CD151: variants seen among roughly 807,000 people sequenced by gnomAD.
CD151 encodes the protein CD151 antigen.
In CD151, 20 loss-of-function variants were observed where a neutral mutation model predicts 34.2. The observed-to-expected ratio is 0.58, with a 90% CI of 0.41 to 0.85. The LOEUF (loss-of-function observed/expected upper bound fraction) is 0.85, where lower values mean the gene tolerates loss of function less well. CD151 is among the 40% of genes least tolerant of loss of function. The probability of loss-of-function intolerance (pLI) is 0.00; values close to 1 mark genes in which losing one functional copy is unlikely to be tolerated. For missense variants in CD151, 306 were observed against 324.5 expected, an observed-to-expected ratio of 0.94 and a Z score of 0.44; for synonymous variants, 157 against 131.7, an observed-to-expected ratio of 1.19 and a Z score of -1.32.
rs569648347 is a variant in CD151, at chr11:838,707, T to C, written c.*515T>C. 5.4e-4 allele frequency: 107 copies of C among 198,338 alleles called. 1 individual carries two copies. In the South Asian group the frequency reaches 9.4e-3, roughly 17 times the overall value. 12.3% of individuals were successfully genotyped at this position (198,338 alleles called of 1,614,324 possible). A position where few individuals can be genotyped will look rare whatever the true frequency, so the allele number is the denominator to read the frequency against. ...ACCACCCGAAATGCCACGTGGTCAC[T>C]GTGCACTGCCCTGTTCATGTGCCTC... On this transcript the variant is annotated 3_prime_UTR_variant, in exon 9 of 9. Coordinates refer to ENST00000397420, the MANE Select transcript of CD151 (RefSeq NM_004357.5).
intron 1 of CD151, among the ~76,000 whole-genome samples, chr11:833,826 C>CCCAT (rs1846648722): frequency 2.4e-5 from 1 of 41,548 alleles, no homozygotes; most frequent in Non-Finnish European, 5.8e-5. Flanking sequence ...ACCCCGCCCC[C>CCCAT]CGGTGGCAGA....
intron 5 of CD151, 153 bp from the exon 6 acceptor site, chr11:837,097 C>G: frequency 1.5e-6 from 1 of 689,524 alleles, no homozygotes; most frequent in Non-Finnish European, 2.6e-6. Context: ...CCTGGCACCA[C>G]CCAACCTCCC....
In CD151 at chr11:836,417, A is replaced by G. The variant is rs150909098; in HGVS notation, c.251A>G (p.Lys84Arg). 2.5e-6 allele frequency: 4 copies of G among 1,610,446 alleles called. No individual in the cohort carries two copies. The African/African-American group carries it at 5.3e-5, about 22-fold the overall frequency. The change falls in exon 4 of 9, where the codon AAG becomes AGG. Residue 84 changes from lysine (K) to arginine (R), a missense_variant. Transcript: ENST00000397420. ...GTCTTGGGCTGCTGCGCCACCTTCA[A>G]GGAGCGTCGGAACCTGCTGCGCCTG... Reference protein sequence around the residue: ...TGVLGCCATFKERRNLLRLYF... With the variant: ...TGVLGCCATFRERRNLLRLYF...
In CD151 at chr11:837,496, C is replaced by A; in HGVS notation, c.493C>A (p.Arg165=). ...CCGSNNSQDW[R]DSEWIRSQEA... ...TGGCAGCAACAACTCACAGGACTGGCGAGACAGTGAGTGGATCCGCTCACA... is the reference window on the plus strand; with the variant it reads ...TGGCAGCAACAACTCACAGGACTGGAGAGACAGTGAGTGGATCCGCTCACA... The change falls in exon 7 of 9, where the codon CGA becomes AGA. Residue 165 remains arginine, a synonymous_variant. Transcript: ENST00000397420. The A allele has an allele frequency of 6.2e-7, 1 of 1,612,918 alleles. No individual in the cohort carries two copies.
chr11:836,730 G>A, intron 4 of CD151, 39 bp from the exon 5 acceptor site: 2 of 1,590,572 alleles, frequency 1.3e-6, no homozygotes, highest in Non-Finnish European at 1.7e-6. Flanking sequence ...CTAGGCACTA[G>A]GCCTCAGAAC....
chr11:833,081 C>T (rs1490207477), intron 1 of CD151, 55 bp downstream of exon 1: 1 of 149,048 alleles, frequency 6.7e-6, no homozygotes, highest in African/African-American at 2.5e-5. Context: ...GCGAGGGGGG[C>T]GAGGGGCGCG....
rs1846854344 is a variant in CD151 at position 838,168 on chromosome 11, G to C, written c.738G>C (p.Arg246Ser). Residue 246 changes from arginine to serine, a missense_variant, in exon 9 of 9, where the codon AGG becomes AGC. Transcript: ENST00000397420. ...TGATCTTCACGTGCTGCCTGTACAGGAGTCTCAAGCTGGAGCACTACTGAC... is the reference window on the plus strand; with the variant it reads ...TGATCTTCACGTGCTGCCTGTACAGCAGTCTCAAGCTGGAGCACTACTGAC... ...FGMIFTCCLY[R>S]SLKLEHY 6.2e-7 allele frequency: 1 copy of C among 1,613,236 alleles called. No homozygotes were observed. The highest frequency in any genetic ancestry group is 1.3e-5 in the African/African-American group (1 of 75,024).
chr11:837,979 A>C lies in CD151; in HGVS notation c.653A>C (p.Glu218Ala). 1 of 1,613,304 alleles carries C rather than the reference A, an allele frequency of 6.2e-7. No homozygotes were observed. The highest frequency in any genetic ancestry group is 8.5e-7 in the Non-Finnish European group (1 of 1,179,870). The change falls in exon 8 of 9, where the codon GAG becomes GCG. Residue 218 changes from glutamate to alanine, a missense_variant. Transcript: ENST00000397420. ...CITKLETFIQ[E>A]HLRVIGAVGI... ...ACCAAGTTGGAGACCTTCATCCAGGAGCACCTGAGGGTCATTGGGGCTGTG... is the reference window on the plus strand; with the variant it reads ...ACCAAGTTGGAGACCTTCATCCAGGCGCACCTGAGGGTCATTGGGGCTGTG...
rs1055598930 is a variant in CD151, at chr11:832,985, T to TGCCGCCGCCCCCGCA, written c.-109_-108insCGCCGCCCCCGCAGC. On this transcript the variant is annotated 5_prime_UTR_variant, in exon 1 of 9. Coordinates refer to ENST00000397420, the MANE Select transcript of CD151 (RefSeq NM_004357.5). ...CGCTGGGAGCCGCCGCCCCCGCAGC[T>TGCCGCCGCCCCCGCA]GCTGCCGCCGCCGCCAGGGCCCGGA... The TGCCGCCGCCCCCGCA allele has an allele frequency of 2.1e-4, 3 of 14,508 alleles. No homozygotes were observed. Among genetic ancestry groups the TGCCGCCGCCCCCGCA allele is most frequent in the Non-Finnish European group, 4.5e-4 (2 of 4,476 alleles). The allele number at this position is 14,508 out of a possible 1,614,324, so 0.9% of individuals were successfully genotyped here.
chr11:834,359 A>G (rs1458698966), intron 1 of CD151, 171 bp from the exon 2 acceptor site: 1 of 152,306 alleles, frequency 6.6e-6, no homozygotes, highest in Non-Finnish European at 1.5e-5. Context: ...ACTCCATCTC[A>G]AAAAAAGAAA....
At chr11:836,914 C>G (rs143711290) in intron 5 of CD151, 71 bp downstream of exon 5, 1 of 1,365,844 alleles carries the variant, frequency 7.3e-7, no homozygotes, top group Admixed American at 1.8e-5. Flanking sequence ...CACATGCACA[C>G]GCGTGGCTAG....
Position 837,291 on chromosome 11 carries a change from C to G in CD151, c.393C>G (p.Thr131=). 1 of 1,613,084 alleles carries G rather than the reference C, an allele frequency of 6.2e-7. No individual in the cohort carries two copies. The highest frequency in any genetic ancestry group is 8.5e-7 in the Non-Finnish European group (1 of 1,179,968). Reference sequence around the variant, plus strand: ...AGGAGAACCTGAAGGACACCATGACCAAGCGCTACCACCAGCCGGGCCATG... The same window carrying G: ...AGGAGAACCTGAAGGACACCATGACGAAGCGCTACCACCAGCCGGGCCATG... The part of the protein sequence containing the change: ...ELKENLKDTM[T]KRYHQPGHEA... Residue 131 remains threonine, a synonymous_variant, in exon 6 of 9, where the codon ACC becomes ACG. Coordinates refer to ENST00000397420, the MANE Select transcript of CD151 (RefSeq NM_004357.5).
rs1229107342 is a variant in CD151, at chr11:837,234, T to G, written c.352-16T>G. On this transcript the variant is annotated splice_polypyrimidine_tract_variant and intron_variant, in intron 5 of 8. Coordinates refer to ENST00000397420, the MANE Select transcript of CD151 (RefSeq NM_004357.5). ...GTCTTAGACTGAGGCTGAAGTTTCC[T>G]GCACCCCAACCCCAGCTGAACACGG... 6.2e-7 allele frequency: 1 copy of G among 1,605,000 alleles called. No individual in the cohort carries two copies. Among genetic ancestry groups the G allele is most frequent in the Non-Finnish European group, 8.5e-7 (1 of 1,172,704 alleles).
intron 2 of CD151, chr11:835,760 T>C (rs1846736711): frequency 1.2e-5 from 4 of 320,454 alleles, no homozygotes. Flanking sequence ...CCATCTCGGC[T>C]CACTGCAAGC....
rs924476383 is a variant in CD151 at position 837,717 on chromosome 11, C to T, written c.615+99C>T. 3.3e-5 allele frequency: 42 copies of T among 1,276,786 alleles called. No individual in the cohort carries two copies. In the African/African-American group the frequency reaches 4.5e-4, roughly 14 times the overall value. 79.1% of individuals were successfully genotyped at this position (1,276,786 alleles called of 1,614,324 possible). A position where few individuals can be genotyped will look rare whatever the true frequency, so the allele number is the denominator to read the frequency against. On this transcript the variant is annotated intron_variant, in intron 7 of 8. Transcript: ENST00000397420. Reference sequence around the variant, plus strand: ...CAGTGGGACACGCCTCCAATATCTACCAGGAGGTGGGGGGTCACCCCAGTG... The same window carrying T: ...CAGTGGGACACGCCTCCAATATCTATCAGGAGGTGGGGGGTCACCCCAGTG...
At chr11:833,074 AGGGGGGCGAGGGGCGCGAG>A (rs1321000779) in intron 1 of CD151, 48 bp downstream of exon 1, 1 of 139,574 alleles carries the variant, frequency 7.2e-6, no homozygotes, top group Non-Finnish European at 1.6e-5. Flanking sequence ...GAGCGGGGCG[AGGGGGGCGAGGGGCGCGAG>A]GGGGGCGAGG....
At chr11:833,088 C>CGCGAGGGGG (rs1846581944) in intron 1 of CD151, 62 bp downstream of exon 1, 2 of 149,564 alleles carry the variant, frequency 1.3e-5, no homozygotes, top group African/African-American at 4.9e-5. Context: ...GGGCGAGGGG[C>CGCGAGGGGG]GCGAGGGGGG....
At position 837,311 on chromosome 11, in the gene CD151, G is replaced by C. The variant is rs886142465; in HGVS notation, c.413G>C (p.Gly138Ala). 2 of 1,613,062 alleles carry C rather than the reference G, an allele frequency of 1.2e-6. No individual in the cohort carries two copies. The highest frequency in any genetic ancestry group is 2.7e-5 in the African/African-American group (2 of 75,060). Residue 138 changes from glycine to alanine, a missense_variant, in exon 6 of 9, where the codon GGC becomes GCC. Gly to Ala is a moderately conservative substitution (Grantham distance 60, BLOSUM62 0). Transcript: ENST00000397420. Reference sequence around the variant, plus strand: ...ATGACCAAGCGCTACCACCAGCCGGGCCATGAGGCTGTGACCAGCGCTGTG... The same window carrying C: ...ATGACCAAGCGCTACCACCAGCCGGCCCATGAGGCTGTGACCAGCGCTGTG... ...DTMTKRYHQP[G>A]HEAVTSAVDQ...
At position 836,171 on chromosome 11, in the gene CD151, T is replaced by TGGGGGGGGG; in HGVS notation, c.84+19_84+20insGGGGGGGGG. 1.3e-6 allele frequency: 2 copies of TGGGGGGGGG among 1,563,392 alleles called. No individual in the cohort carries two copies. The highest frequency in any genetic ancestry group is 1.8e-6 in the Non-Finnish European group (2 of 1,135,828). On this transcript the variant is annotated intron_variant, in intron 3 of 8. Coordinates refer to ENST00000397420, the MANE Select transcript of CD151 (RefSeq NM_004357.5). ...GCTTCTGGGTGAGGAGGGGTCGCCT[T>TGGGGGGGGG]GCCCCCACCCCCACCCCCACCCCTC...
Sources: allele counts gnomAD v4.1 joint callset (sites outside exome capture counted in the v4.1 genomes callset), GRCh38; gene constraint gnomAD v4.1.1; transcripts MANE v1.5; gene names NCBI Gene and HGNC (gene_info 2026-07-23, HGNC 2026-07-21).